Variants in CCDC6 observed in about 807,000 individuals in gnomAD.
CCDC6 encodes the protein coiled-coil domain containing 6, also known as coiled-coil domain-containing protein 6.
CCDC6 carries 20 observed loss-of-function variants against 56.6 expected under a neutral mutation model. That is an observed-to-expected ratio of 0.35 (90% CI 0.25 to 0.51). The LOEUF (loss-of-function observed/expected upper bound fraction) is 0.51, where lower values mean the gene tolerates loss of function less well. Ranked by LOEUF, CCDC6 falls within the 20% of genes least tolerant of loss-of-function variation. The probability of loss-of-function intolerance (pLI) is 0.95; values close to 1 mark genes in which losing one functional copy is unlikely to be tolerated. For synonymous variants in CCDC6, 241 were observed against 234.4 expected (o/e 1.03, Z -0.26); for missense variants, 367 against 601.1 (o/e 0.61, Z 4.07).
intron 3 of CCDC6, among the ~76,000 whole-genome samples, chr10:59,831,497 C>A (rs1281911712): frequency 6.6e-6 from 1 of 152,134 alleles, no homozygotes; most frequent in Non-Finnish European, 1.5e-5. Flanking sequence ...AATGAGTTAA[C>A]ATGGAGTAAG....
intron 1 of CCDC6, among the ~76,000 whole-genome samples, chr10:59,865,619 C>A (rs975740135): frequency 6.6e-6 from 1 of 151,888 alleles, no homozygotes; most frequent in Admixed American, 6.6e-5. Flanking sequence ...TTTGGGAGGC[C>A]GAGGCGGGCA....
At position 59,806,935 on chromosome 10, in the gene CCDC6, T is replaced by C; in HGVS notation, c.991A>G (p.Met331Val). The change falls in exon 6 of 9, where the codon ATG becomes GTG. Residue 331 changes from methionine (M) to valine (V), a missense_variant. This residue lies in a region of CCDC6 where 81 missense variants were observed against 150.8 expected (regional missense o/e 0.54). Coordinates refer to ENST00000263102, the MANE Select transcript of CCDC6 (RefSeq NM_005436.5). ...QLSESESSLE[M>V]DDERYFNEMS... Reference sequence around the variant, plus strand: ...ACATGCACACACCTTTCGTCGTCCATTTCTAAGCTGGACTCACTCTCGGAG... The same window carrying C: ...ACATGCACACACCTTTCGTCGTCCACTTCTAAGCTGGACTCACTCTCGGAG... 6.2e-7 allele frequency: 1 copy of C among 1,613,942 alleles called. No individual in the cohort carries two copies. Among genetic ancestry groups the C allele is most frequent in the Non-Finnish European group, 8.5e-7 (1 of 1,179,930 alleles).
chr10:59,897,517 A>C (rs564385560), intron 1 of CCDC6, among the ~76,000 whole-genome samples: 18 of 152,236 alleles, frequency 1.2e-4, no homozygotes, highest in South Asian at 2.1e-4. Context: ...GGCCTCCCCA[A>C]AGTGCTGGGA....
At chr10:59,852,863 A>G (rs573794501) in intron 1 of CCDC6, among the ~76,000 whole-genome samples, 161 bp from the exon 2 acceptor site, 96 of 152,352 alleles carry the variant, frequency 6.3e-4, no homozygotes, top group African/African-American at 2.2e-3. Context: ...TGCAAAACAG[A>G]GGAATTCAGC....
intron 2 of CCDC6, among the ~76,000 whole-genome samples, chr10:59,850,688 T>G (rs563988250): frequency 6.7e-6 from 1 of 148,470 alleles, no homozygotes; most frequent in Non-Finnish European, 1.5e-5. Flanking sequence ...TTCCAAGTTT[T>G]TAGTCTATGA....
chr10:59,857,219 G>A (rs796601849), intron 1 of CCDC6, among the ~76,000 whole-genome samples: 13 of 152,162 alleles, frequency 8.5e-5, no homozygotes, highest in African/African-American at 3.1e-4. Context: ...AGTCCTGTGG[G>A]AAAAATAAAC....
chr10:59,884,670 G>A (rs2071369261), intron 1 of CCDC6, among the ~76,000 whole-genome samples: 1 of 151,992 alleles, frequency 6.6e-6, no homozygotes, highest in South Asian at 2.1e-4. Context: ...TCAAGATATA[G>A]AACAGCATGT....
intron 1 of CCDC6, among the ~76,000 whole-genome samples, chr10:59,869,266 C>A (rs1228721642): frequency 6.6e-6 from 1 of 151,744 alleles, no homozygotes; most frequent in Non-Finnish European, 1.5e-5. Context: ...CCAGACTTAA[C>A]CAACTGCCAA....
At position 59,792,688 on chromosome 10, in the gene CCDC6, A is replaced by G; in HGVS notation, c.*229T>C. On this transcript the variant is annotated 3_prime_UTR_variant, in exon 9 of 9. Transcript: ENST00000263102. ...GGTTCCAGCCAGGGAATGGACGTACATGAAGATTCAAGTAAAACACTGATG... is the reference window on the plus strand; with the variant it reads ...GGTTCCAGCCAGGGAATGGACGTACGTGAAGATTCAAGTAAAACACTGATG... 1 of 756,290 alleles carries G rather than the reference A, an allele frequency of 1.3e-6. No homozygotes were observed. The highest frequency in any genetic ancestry group is 2.4e-6 in the Non-Finnish European group (1 of 412,880). The allele number at this position is 756,290 out of a possible 1,614,324, so 46.8% of individuals were successfully genotyped here.
intron 2 of CCDC6, among the ~76,000 whole-genome samples, chr10:59,846,057 T>A (rs1053661548): frequency 6.6e-6 from 1 of 152,180 alleles, no homozygotes; most frequent in African/African-American, 2.4e-5. Flanking sequence ...CAGATTCTAG[T>A]GTACATCCTG....
intron 1 of CCDC6, among the ~76,000 whole-genome samples, chr10:59,872,406 T>C (rs1441978624): frequency 5.3e-5 from 8 of 152,220 alleles, no homozygotes; most frequent in African/African-American, 1.9e-4. Flanking sequence ...CAAAGCTGTG[T>C]CTGTTTCCTG....
chr10:59,867,456 TTTG>T (rs1289787617), intron 1 of CCDC6, among the ~76,000 whole-genome samples: 3 of 152,198 alleles, frequency 2.0e-5, no homozygotes, highest in African/African-American at 7.2e-5. Flanking sequence ...AGCCTGCTAC[TTTG>T]GAGGCTTCAT....
intron 3 of CCDC6, among the ~76,000 whole-genome samples, chr10:59,821,312 C>T (rs940419203): frequency 6.6e-6 from 1 of 152,112 alleles, no homozygotes; most frequent in Non-Finnish European, 1.5e-5. Flanking sequence ...CCACAATGGT[C>T]CTTGACAAAG....
chr10:59,796,664 T>C (rs1015383434), intron 7 of CCDC6, among the ~76,000 whole-genome samples: 1 of 152,168 alleles, frequency 6.6e-6, no homozygotes, highest in Non-Finnish European at 1.5e-5. Flanking sequence ...TACAGTGTTA[T>C]TCACAATAGC....
At chr10:59,828,394 TA>T (rs1196404138) in intron 3 of CCDC6, among the ~76,000 whole-genome samples, 1 of 152,144 alleles carries the variant, frequency 6.6e-6, no homozygotes, top group African/African-American at 2.4e-5. Flanking sequence ...CATCTGCTTA[TA>T]AATTGACTTT....
At chr10:59,846,919 C>G (rs2070996744) in intron 2 of CCDC6, among the ~76,000 whole-genome samples, 1 of 152,232 alleles carries the variant, frequency 6.6e-6, no homozygotes, top group South Asian at 2.1e-4. Flanking sequence ...CAAGTTGATG[C>G]TTTGGCCCTG....
In CCDC6 at chr10:59,802,371, C is replaced by T. The variant is rs185261109; in HGVS notation, c.1105+2049G>A. On this transcript the variant is annotated intron_variant, in intron 7 of 8. Transcript: ENST00000263102. ...ATGGAAATGAATGCTATTCAAACAG[C>T]ATATTTCCACTAAGGAAGTGATTAG... Among the ~76,000 whole-genome samples the T allele has an allele frequency of 5.3e-4, 81 of 152,268 alleles. 1 individual carries two copies. Among genetic ancestry groups the T allele is most frequent in the Non-Finnish European group, 9.0e-4 (61 of 68,012 alleles).
At chr10:59,849,040 G>T (rs1375980775) in intron 2 of CCDC6, among the ~76,000 whole-genome samples, 1 of 152,192 alleles carries the variant, frequency 6.6e-6, no homozygotes, top group Non-Finnish European at 1.5e-5. Flanking sequence ...TGATAATTTT[G>T]CTCACAAACA....
rs561532580 is a variant in CCDC6, at chr10:59,812,607, G to C, written c.847+28C>G. 5.2e-6 allele frequency: 8 copies of C among 1,548,116 alleles called. No homozygotes were observed. The African/African-American group carries it at 6.8e-5, about 13-fold the overall frequency. On this transcript the variant is annotated intron_variant, in intron 5 of 8. Transcript: ENST00000263102. Reference sequence around the variant, plus strand: ...GTAAAGTTATTAATTCTACAGGCATGAAACTAGTGAAACCAGAGGCTACGT... The same window carrying C: ...GTAAAGTTATTAATTCTACAGGCATCAAACTAGTGAAACCAGAGGCTACGT...
Sources: allele counts gnomAD v4.1 joint callset (sites outside exome capture counted in the v4.1 genomes callset), GRCh38; gene constraint gnomAD v4.1.1; regional missense constraint gnomAD v4.1.1; transcripts MANE v1.5; gene names NCBI Gene and HGNC (gene_info 2026-07-23, HGNC 2026-07-21).